The following NDUFS7 variants were observed in gnomAD, a reference collection of about 807,000 sequenced individuals.
NDUFS7 encodes the protein NADH:ubiquinone oxidoreductase core subunit S7, also known as NADH dehydrogenase [ubiquinone] iron-sulfur protein 7, mitochondrial.
NDUFS7 carries 11 observed loss-of-function variants against 31.1 expected under a neutral mutation model. That is an observed-to-expected ratio of 0.35 (90% CI 0.22 to 0.59). NDUFS7 has a LOEUF of 0.59. NDUFS7 is among the 20% of genes least tolerant of loss of function. The pLI is 0.79. For synonymous variants in NDUFS7, 136 were observed against 127.9 expected (o/e 1.06, Z -0.43); for missense variants, 263 against 324.2 (o/e 0.81, Z 1.45).
At chr19:1,391,274 C>T (rs1468236231) in intron 6 of NDUFS7, 109 bp downstream of exon 6, 6 of 1,395,222 alleles carry the variant, frequency 4.3e-6, no homozygotes, top group East Asian at 2.5e-5. Flanking sequence ...TGAAATCCCA[C>T]GTGGTCCCGG....
At chr19:1,388,479 G>C in intron 2 of NDUFS7, 46 bp from the exon 3 acceptor site, 1 of 1,572,476 alleles carries the variant, frequency 6.4e-7, no homozygotes, top group Non-Finnish European at 8.7e-7. Flanking sequence ...TGGGGGAGCT[G>C]GAGGGGCCTG....
chr19:1,395,417 C>A lies in NDUFS7; in HGVS notation c.571C>A (p.Leu191Ile). ...PGCPPTAEAL[L>I]YGILQLQRKI... ...CTGCCCACCTACGGCCGAGGCCCTG[C>A]TCTACGGCATCCTGCAGCTGCAGAG... Residue 191 changes from leucine (L) to isoleucine (I), a missense_variant, in exon 8 of 8, where the codon CTC becomes ATC. Transcript: ENST00000233627. 1 of 1,602,764 alleles carries A rather than the reference C, an allele frequency of 6.2e-7. No homozygotes were observed. Among genetic ancestry groups the A allele is most frequent in the Non-Finnish European group, 8.5e-7 (1 of 1,176,392 alleles).
rs760805064 is a variant in NDUFS7 at position 1,387,840 on chromosome 19, G to GGTCTGCGGTGAGTGCCTGAGT, written c.47_53+14dup. ...TGGCCTGCGCGGCTTCCGGATCCTT[G>GGTCTGCGGTGAGTGCCTGAGT]GTCTGCGGTGAGTGCCTGAGTCTCC... On this transcript the variant is annotated stop_gained and inframe_insertion, in exon 2 of 8. Coordinates refer to ENST00000233627, the MANE Select transcript of NDUFS7 (RefSeq NM_024407.5). LOFTEE classifies it high-confidence loss of function. The GGTCTGCGGTGAGTGCCTGAGT allele has an allele frequency of 1.2e-6, 2 of 1,609,920 alleles. No homozygotes were observed. Among genetic ancestry groups the GGTCTGCGGTGAGTGCCTGAGT allele is most frequent in the Non-Finnish European group, 1.7e-6 (2 of 1,179,588 alleles).
chr19:1,389,166 CT>C, intron 4 of NDUFS7: 1 of 698,766 alleles, frequency 1.4e-6, no homozygotes, highest in African/African-American at 1.7e-5. Flanking sequence ...CACATGCACA[CT>C]TGCACACACA....
At chr19:1,389,671 C>A in intron 4 of NDUFS7, 1 of 368,196 alleles carries the variant, frequency 2.7e-6, no homozygotes, top group Non-Finnish European at 5.5e-6. Flanking sequence ...GTGGCGCCAG[C>A]CCCCACGCAG....
At chr19:1,395,168 G>A (rs2082587751) in intron 7 of NDUFS7, 4 of 1,416,672 alleles carry the variant, frequency 2.8e-6, no homozygotes, top group Non-Finnish European at 2.8e-6. Context: ...TGAGCCACGG[G>A]TGGAGGGCAG....
intron 4 of NDUFS7, chr19:1,390,624 A>C: frequency 1.7e-6 from 1 of 590,166 alleles, no homozygotes; most frequent in Non-Finnish European, 3.0e-6. Context: ...ACTGGGTTCG[A>C]GGAACTATGT....
intron 6 of NDUFS7, among the ~76,000 whole-genome samples, 173 bp downstream of exon 6, chr19:1,391,338 C>T (rs2082556184): frequency 6.6e-6 from 1 of 152,170 alleles, no homozygotes; most frequent in Non-Finnish European, 1.5e-5. Flanking sequence ...CGCTGGTGGG[C>T]CTCTCCCCAG....
intron 4 of NDUFS7, chr19:1,389,214 C>G (rs2082534415): frequency 2.9e-6 from 2 of 681,064 alleles, no homozygotes; most frequent in South Asian, 3.0e-5. Flanking sequence ...CGCTTGCACA[C>G]ATACACACAT....
intron 1 of NDUFS7, 135 bp from the exon 2 acceptor site, chr19:1,387,676 A>C: frequency 1.3e-6 from 1 of 757,340 alleles, no homozygotes; most frequent in Non-Finnish European, 2.3e-6. Context: ...CTCGTTACCT[A>C]ACGTTTGTTA....
intron 6 of NDUFS7, chr19:1,392,623 G>C (rs967920366): frequency 5.0e-5 from 8 of 161,162 alleles, no homozygotes; most frequent in African/African-American, 1.7e-4. Context: ...GCTGTGGCCT[G>C]TGTCCGAGCC....
At chr19:1,391,077 GC>G in intron 5 of NDUFS7, 27 bp downstream of exon 5, 1 of 1,612,194 alleles carries the variant, frequency 6.2e-7, no homozygotes, top group South Asian at 1.1e-5. Flanking sequence ...CCGCCCAGCC[GC>G]CCCCAGAGTG....
chr19:1,389,019 C>T (rs757603144), intron 4 of NDUFS7, 81 bp downstream of exon 4: 48 of 1,127,190 alleles, frequency 4.3e-5, no homozygotes, highest in Non-Finnish European at 5.4e-5. Flanking sequence ...CACACACCAA[C>T]GTGCAGACAC....
At chr19:1,384,011 G>A in intron 1 of NDUFS7, 69 bp downstream of exon 1, 1 of 1,500,658 alleles carries the variant, frequency 6.7e-7, no homozygotes, top group Non-Finnish European at 8.9e-7. Flanking sequence ...CGGGTGTCGT[G>A]GTGGCGTCGG....
Position 1,395,483 on chromosome 19 carries a change from A to G in NDUFS7, c.637A>G (p.Arg213Gly), listed in dbSNP as rs1486960570. 6.3e-7 allele frequency: 1 copy of G among 1,581,616 alleles called. No individual in the cohort carries two copies. Among genetic ancestry groups the G allele is most frequent in the South Asian group, 1.2e-5 (1 of 86,616 alleles). Reference protein sequence around the residue: ...RERRLQIWYRR With the variant: ...RERRLQIWYRG Reference sequence around the variant, plus strand: ...GCGGAGGCTGCAGATCTGGTACCGCAGGTAGCGCCGCCGCCGCCGCCGCCG... The same window carrying G: ...GCGGAGGCTGCAGATCTGGTACCGCGGGTAGCGCCGCCGCCGCCGCCGCCG... Residue 213 changes from arginine to glycine, a missense_variant, in exon 8 of 8, where the codon AGG becomes GGG. Arg to Gly is a moderately radical substitution (Grantham distance 125, BLOSUM62 -2). Coordinates refer to ENST00000233627, the MANE Select transcript of NDUFS7 (RefSeq NM_024407.5).
chr19:1,386,038 G>T (rs1600144771), intron 1 of NDUFS7, among the ~76,000 whole-genome samples: 2 of 152,332 alleles, frequency 1.3e-5, no homozygotes, highest in Middle Eastern at 3.4e-3. Flanking sequence ...CCAAGAAGTA[G>T]GTCACAGGCT....
At chr19:1,386,190 C>T (rs985195675) in intron 1 of NDUFS7, among the ~76,000 whole-genome samples, 49 of 152,348 alleles carry the variant, frequency 3.2e-4, no homozygotes, top group African/African-American at 1.2e-3. Flanking sequence ...AAACCCTGGC[C>T]CTGGCCCCTG....
intron 4 of NDUFS7, chr19:1,390,638 G>A (rs533022833): frequency 1.3e-5 from 8 of 596,768 alleles, no homozygotes; most frequent in African/African-American, 1.1e-4. Flanking sequence ...ACTATGTGAT[G>A]AGGACAGATC....
intron 7 of NDUFS7, chr19:1,394,194 G>T: frequency 2.6e-6 from 1 of 390,836 alleles, no homozygotes; most frequent in Non-Finnish European, 4.7e-6. Flanking sequence ...CTCTGACTTT[G>T]GATTCCGCTT....
Sources: allele counts gnomAD v4.1 joint callset (sites outside exome capture counted in the v4.1 genomes callset), GRCh38; gene constraint gnomAD v4.1.1; transcripts MANE v1.5; gene names NCBI Gene and HGNC (gene_info 2026-07-23, HGNC 2026-07-21).